Variants in SLC25A13 observed in about 807,000 individuals in gnomAD.
SLC25A13 encodes electrogenic aspartate/glutamate antiporter SLC25A13, mitochondrial.
In SLC25A13, 70 loss-of-function variants were observed where a neutral mutation model predicts 85.5. The observed-to-expected ratio is 0.82, with a 90% CI of 0.68 to 1.00. SLC25A13 has a LOEUF of 1.00. SLC25A13 is among the 50% of genes least tolerant of loss of function. SLC25A13 has a pLI of 0.00. For missense variants in SLC25A13, 765 were observed against 819.8 expected (o/e 0.93, Z 0.82); for synonymous variants, 259 against 288.7 (o/e 0.90, Z 1.04).
chr7:96,283,213 C>T (rs1798754466), intron 2 of SLC25A13: 1 of 192,828 alleles, frequency 5.2e-6, no homozygotes, highest in African/African-American at 2.4e-5. Context: ...CAGGAAACAA[C>T]TAAATATTCA....
At chr7:96,131,961 A>G in intron 14 of SLC25A13, 80 bp from the exon 15 acceptor site, 1 of 1,593,744 alleles carries the variant, frequency 6.3e-7, no homozygotes, top group Admixed American at 1.7e-5. Flanking sequence ...AACTCACCTC[A>G]GAACAAAATA....
intron 2 of SLC25A13, among the ~76,000 whole-genome samples, chr7:96,285,081 G>A (rs984111602): frequency 2.0e-5 from 3 of 151,162 alleles, no homozygotes; most frequent in East Asian, 1.9e-4. Flanking sequence ...TTCCTCCCTC[G>A]AGCTACTGGC....
chr7:96,235,989 C>T (rs958003207), intron 3 of SLC25A13, among the ~76,000 whole-genome samples: 17 of 151,928 alleles, frequency 1.1e-4, no homozygotes, highest in South Asian at 2.1e-4. Flanking sequence ...TCCAAGTTTC[C>T]GGAGGATATG....
At chr7:96,165,524 C>T (rs1793706202) in intron 13 of SLC25A13, among the ~76,000 whole-genome samples, 2 of 152,138 alleles carry the variant, frequency 1.3e-5, no homozygotes, top group Non-Finnish European at 2.9e-5. Flanking sequence ...CTCCCATTTA[C>T]TATTATTTTC....
At chr7:96,174,493 G>A (rs1794139269) in intron 11 of SLC25A13, among the ~76,000 whole-genome samples, 1 of 152,164 alleles carries the variant, frequency 6.6e-6, no homozygotes, top group South Asian at 2.1e-4. Flanking sequence ...AGTAATATGT[G>A]GGCATACGCC....
chr7:96,303,058 T>C (rs1799610033), intron 1 of SLC25A13, among the ~76,000 whole-genome samples: 1 of 152,078 alleles, frequency 6.6e-6, no homozygotes, highest in Non-Finnish European at 1.5e-5. Flanking sequence ...CAAATGAAAA[T>C]TTCTAGAATG....
chr7:96,314,152 A>G (rs916366391), intron 1 of SLC25A13, among the ~76,000 whole-genome samples: 2 of 152,098 alleles, frequency 1.3e-5, no homozygotes, highest in Admixed American at 6.6e-5. Flanking sequence ...AGGATGAAGG[A>G]CGAAGAAGAA....
At position 96,121,030 on chromosome 7, in the gene SLC25A13, A is replaced by C. The variant is rs1406567741; in HGVS notation, c.*161T>G. The C allele has an allele frequency of 2.0e-5, 17 of 830,658 alleles. No individual in the cohort carries two copies. The highest frequency in any genetic ancestry group is 3.2e-5 in the Non-Finnish European group (16 of 501,556). 51.5% of individuals were successfully genotyped at this position (830,658 alleles called of 1,614,324 possible). On this transcript the variant is annotated 3_prime_UTR_variant, in exon 18 of 18. Transcript: ENST00000265631. ...TAATTTCACAATGATCTGGTTAAGA[A>C]AACACCCAGAAAATGAATGATTTCA...
At chr7:96,157,195 A>G (rs1213401483) in intron 13 of SLC25A13, among the ~76,000 whole-genome samples, 1 of 152,180 alleles carries the variant, frequency 6.6e-6, no homozygotes, top group Non-Finnish European at 1.5e-5. Flanking sequence ...CATTCTACTG[A>G]TACGAAGCAT....
chr7:96,160,907 A>C (rs1346515230), intron 13 of SLC25A13, among the ~76,000 whole-genome samples: 1 of 152,118 alleles, frequency 6.6e-6, no homozygotes, highest in Non-Finnish European at 1.5e-5. Context: ...ACTTTTTGAG[A>C]AAACCGATGG....
rs1158112480 is a variant in SLC25A13 at position 96,120,597 on chromosome 7, T to C, written c.*594A>G. 2 of 454,404 alleles carry C rather than the reference T, an allele frequency of 4.4e-6. No individual in the cohort carries two copies. Among genetic ancestry groups the C allele is most frequent in the South Asian group, 1.6e-5 (1 of 64,478 alleles). 28.1% of individuals were successfully genotyped at this position (454,404 alleles called of 1,614,324 possible). ...ATTTCCCTAGTAGTCTTGGTACCAG[T>C]AACAATATGATTACTAAACATCTCC... is the stretch of plus-strand genomic sequence containing the variant. On this transcript the variant is annotated 3_prime_UTR_variant, in exon 18 of 18. Coordinates refer to ENST00000265631, the MANE Select transcript of SLC25A13 (RefSeq NM_014251.3).
At chr7:96,187,233 T>G (rs1794675257) in intron 9 of SLC25A13, among the ~76,000 whole-genome samples, 1 of 152,180 alleles carries the variant, frequency 6.6e-6, no homozygotes, top group Admixed American at 6.5e-5. Context: ...ATAAAATTTG[T>G]TTTTCAGAAT....
chr7:96,205,057 G>A (rs991167803), intron 5 of SLC25A13, among the ~76,000 whole-genome samples: 4 of 152,030 alleles, frequency 2.6e-5, no homozygotes, highest in Non-Finnish European at 4.4e-5. Flanking sequence ...ACAGGTGCAC[G>A]CCACTATGTC....
At chr7:96,245,365 C>T (rs1053168757) in intron 3 of SLC25A13, among the ~76,000 whole-genome samples, 1 of 152,150 alleles carries the variant, frequency 6.6e-6, no homozygotes. Flanking sequence ...TTTTAACCTT[C>T]AAGTCACAAA....
intron 3 of SLC25A13, among the ~76,000 whole-genome samples, chr7:96,236,317 T>C (rs908070200): frequency 1.1e-4 from 16 of 151,552 alleles, no homozygotes; most frequent in African/African-American, 3.9e-4. Context: ...ACCGAGACTC[T>C]GCGTAGGAGG....
Position 96,305,587 on chromosome 7 carries a change from T to C in SLC25A13, c.16-8636A>G, listed in dbSNP as rs562746507. ...TACTGCTCCTTAAATGAATAAAAAC[T>C]GATTGTGCTATTCTGAAGACTGGGG... On this transcript the variant is annotated intron_variant, in intron 1 of 17. Transcript: ENST00000265631. Among the ~76,000 whole-genome samples, 8 of 152,256 alleles carry C rather than the reference T, an allele frequency of 5.3e-5. No individual in the cohort carries two copies. The East Asian group carries it at 1.5e-3, about 29-fold the overall frequency.
At chr7:96,154,987 G>C (rs879642691) in intron 13 of SLC25A13, among the ~76,000 whole-genome samples, 9 of 151,904 alleles carry the variant, frequency 5.9e-5, no homozygotes, top group Non-Finnish European at 1.2e-4. Flanking sequence ...TTTTAGTAGA[G>C]ATAGGCTTCG....
intron 4 of SLC25A13, among the ~76,000 whole-genome samples, chr7:96,229,114 T>C (rs1347074515): frequency 6.6e-6 from 1 of 152,196 alleles, no homozygotes. Flanking sequence ...GTGGGACTGA[T>C]GGGCAGCTCC....
At chr7:96,275,435 C>T (rs1370155413) in intron 3 of SLC25A13, among the ~76,000 whole-genome samples, 6 of 152,110 alleles carry the variant, frequency 3.9e-5, no homozygotes, top group South Asian at 2.1e-4. Context: ...CACATGCACA[C>T]GTATGTTTAT....
Sources: allele counts gnomAD v4.1 joint callset (sites outside exome capture counted in the v4.1 genomes callset), GRCh38; gene constraint gnomAD v4.1.1; transcripts MANE v1.5; gene names NCBI Gene and HGNC (gene_info 2026-07-23, HGNC 2026-07-21).